SORBS3: variants seen among roughly 807,000 people sequenced by gnomAD.
The protein encoded by SORBS3 is sorbin and SH3 domain containing 3.
A neutral mutation model predicts 98.0 loss-of-function variants in SORBS3; 69 were observed. That is an observed-to-expected ratio of 0.70 (90% CI 0.58 to 0.86). The LOEUF is 0.86. Ranked by LOEUF, SORBS3 falls within the 40% of genes least tolerant of loss-of-function variation. The pLI, the probability that SORBS3 is intolerant of heterozygous loss-of-function variation, is 0.00. For missense variants in SORBS3, 954 were observed against 908.5 expected (o/e 1.05, Z -0.64); for synonymous variants, 394 against 355.4 (o/e 1.11, Z -1.22).
intron 14 of SORBS3, 52 bp from the exon 15 acceptor site, chr8:22,566,770 A>G (rs1840434619): frequency 6.2e-7 from 1 of 1,613,600 alleles, no homozygotes; most frequent in East Asian, 2.2e-5. Context: ...GCCATCCTGG[A>G]TCTGCCACCC....
upstream of SORBS3, chr8:22,551,904 G>A: frequency 4.1e-6 from 4 of 984,460 alleles, no homozygotes; most frequent in Non-Finnish European, 4.8e-6. The surrounding 1 kb of genome is among the most constrained non-coding windows in gnomAD (Gnocchi z 5.8). Flanking sequence ...CGAGGGCCGC[G>A]ACGGCCCGCG....
intron 17 of SORBS3, among the ~76,000 whole-genome samples, chr8:22,570,554 C>T (rs1840546191): frequency 6.6e-6 from 1 of 152,198 alleles, no homozygotes; most frequent in African/African-American, 2.4e-5. Context: ...AGCAGGCTGC[C>T]TGAGGCCACA....
intron 11 of SORBS3, 44 bp downstream of exon 11, chr8:22,565,398 C>A: frequency 6.8e-7 from 1 of 1,479,872 alleles, no homozygotes; most frequent in Non-Finnish European, 9.1e-7. Context: ...CCGGCGACCG[C>A]AGGGTCGGGG....
upstream of SORBS3, among the ~76,000 whole-genome samples, chr8:22,550,878 T>A (rs1334595660): frequency 6.6e-6 from 1 of 152,220 alleles, no homozygotes; most frequent in Non-Finnish European, 1.5e-5. Flanking sequence ...CTGAGCCAAC[T>A]CAAGGGCCAG....
Position 22,557,014 on chromosome 8 carries a change from A to G in SORBS3, c.414+106A>G. The G allele has an allele frequency of 2.0e-5, 25 of 1,272,702 alleles. No individual in the cohort carries two copies. The South Asian group carries it at 3.1e-4, about 16-fold the overall frequency. 78.8% of individuals were successfully genotyped at this position (1,272,702 alleles called of 1,614,324 possible). A position where few individuals can be genotyped will look rare whatever the true frequency, so the allele number is the denominator to read the frequency against. ...GTGGGGCAATAAAGGCCGCACCCAAACCATCCCAGATTAAGCAGGGGTTCA... is the reference window on the plus strand; with the variant it reads ...GTGGGGCAATAAAGGCCGCACCCAAGCCATCCCAGATTAAGCAGGGGTTCA... On this transcript the variant is annotated intron_variant, in intron 4 of 20. Transcript: ENST00000240123.
At position 22,566,242 on chromosome 8, in the gene SORBS3, A is replaced by T. The variant is rs1052901177; in HGVS notation, c.951-103A>T. 3.6e-6 allele frequency: 5 copies of T among 1,405,600 alleles called. No homozygotes were observed. The African/African-American group carries it at 7.2e-5, about 20-fold the overall frequency. The allele number at this position is 1,405,600 out of a possible 1,614,324, so 87.1% of individuals were successfully genotyped here. On this transcript the variant is annotated intron_variant, in intron 12 of 20. Transcript: ENST00000240123. ...AGGACCCGGGAGACGCCCTGGGAGGAGGTGGCAGGGATGGGGGCGATGGGG... is the reference window on the plus strand; with the variant it reads ...AGGACCCGGGAGACGCCCTGGGAGGTGGTGGCAGGGATGGGGGCGATGGGG...
Position 22,569,188 on chromosome 8 carries a change from C to G in SORBS3, c.1346C>G (p.Pro449Arg), listed in dbSNP as rs77246845. ...ADEIPKPIKP[P>R]TYQVLEYGEA... ...GAGATCCCTAAGCCCATCAAGCCCCCGACCTACCAGGTGCTGGAGTATGGA... is the reference window on the plus strand; with the variant it reads ...GAGATCCCTAAGCCCATCAAGCCCCGGACCTACCAGGTGCTGGAGTATGGA... Residue 449 changes from proline to arginine, a missense_variant, in exon 17 of 21, where the codon CCG (proline) becomes CGG (arginine). By Grantham distance (103) the Pro-to-Arg change is moderately radical. Coordinates refer to ENST00000240123, the MANE Select transcript of SORBS3 (RefSeq NM_005775.5). 27 of 1,611,232 alleles carry G rather than the reference C, an allele frequency of 1.7e-5. No individual in the cohort carries two copies. Among genetic ancestry groups the G allele is most frequent in the Non-Finnish European group, 2.1e-5 (25 of 1,178,672 alleles).
chr8:22,572,234 G>A, intron 19 of SORBS3, 106 bp from the exon 20 acceptor site: 1 of 874,178 alleles, frequency 1.1e-6, no homozygotes, highest in East Asian at 2.4e-5. Context: ...CTGGATCAGG[G>A]GCTAGTGAGA....
At chr8:22,562,877 G>A (rs1464269124) in intron 7 of SORBS3, among the ~76,000 whole-genome samples, 1 of 152,244 alleles carries the variant, frequency 6.6e-6, no homozygotes, top group African/African-American at 2.4e-5. Flanking sequence ...AGCACTTTTG[G>A]AGGCTGAGGC....
chr8:22,565,808 C>A lies in SORBS3; in HGVS notation c.904-18C>A. The A allele has an allele frequency of 7.6e-7, 1 of 1,316,750 alleles. No individual in the cohort carries two copies. The highest frequency in any genetic ancestry group is 9.7e-7 in the Non-Finnish European group (1 of 1,031,100). 81.6% of individuals were successfully genotyped at this position (1,316,750 alleles called of 1,614,324 possible). A position where few individuals can be genotyped will look rare whatever the true frequency, so the allele number is the denominator to read the frequency against. ...GTCCCGGGGTCGCGGGCCCTGATTG[C>A]GCCGTTTCCCCGCGCAGAGCTCGCC... On this transcript the variant is annotated intron_variant, in intron 11 of 20. Transcript: ENST00000240123.
chr8:22,571,270 A>C, intron 18 of SORBS3, 49 bp downstream of exon 18: 22 of 1,071,282 alleles, frequency 2.1e-5, no homozygotes, highest in Non-Finnish European at 3.0e-5. Context: ...CTCACCCCTC[A>C]TCCCCCACCC....
In SORBS3 at chr8:22,565,292, G is replaced by A. The variant is rs137860983; in HGVS notation, c.841G>A (p.Glu281Lys). ...GGTGCTGCTGGAGAGAGAGCTGGCCGAGCTGAGCGCCGAGCTGGACAAGGA... is the reference window on the plus strand; with the variant it reads ...GGTGCTGCTGGAGAGAGAGCTGGCCAAGCTGAGCGCCGAGCTGGACAAGGA... The part of the protein sequence containing the change: ...IEVLLERELA[E>K]LSAELDKDLR... Residue 281 changes from glutamate (E) to lysine (K), a missense_variant, in exon 11 of 21, where the codon GAG becomes AAG. Coordinates refer to ENST00000240123, the MANE Select transcript of SORBS3 (RefSeq NM_005775.5). 1,275 of 1,556,610 alleles carry A rather than the reference G, an allele frequency of 8.2e-4. 5 individuals carry two copies. The African/African-American group carries it at 0.016, about 19-fold the overall frequency.
At chr8:22,557,046 G>T (rs911689767) in intron 4 of SORBS3, 138 bp downstream of exon 4, 28 of 977,628 alleles carry the variant, frequency 2.9e-5, no homozygotes, top group Non-Finnish European at 3.5e-5. Flanking sequence ...TTCAACCGTG[G>T]TGGGGTTCAG....
rs762710582 is a variant in SORBS3, at chr8:22,569,284, C to T, written c.1431+11C>T. 1.3e-6 allele frequency: 2 copies of T among 1,577,874 alleles called. No individual in the cohort carries two copies. Among genetic ancestry groups the T allele is most frequent in the Non-Finnish European group, 1.7e-6 (2 of 1,160,604 alleles). On this transcript the variant is annotated intron_variant, in intron 17 of 20. Transcript: ENST00000240123. ...CTGTCCTTCCGCAAGGTGGGCCAGG[C>T]CGGAGACGGAGGGGTGGGTGGGGGC...
rs374187848 is a variant in SORBS3 at position 22,570,868 on chromosome 8, G to A, written c.1432-42G>A. The stretch of plus-strand genomic sequence containing the variant: ...CAGATAAGGCACCCGTGGGTCCATG[G>A]CACCAGGAAGGCCCCACAGACACTG... On this transcript the variant is annotated intron_variant, in intron 17 of 20. Transcript: ENST00000240123. The A allele has an allele frequency of 1.9e-6, 3 of 1,546,014 alleles. No homozygotes were observed. In the African/African-American group the frequency reaches 4.1e-5, roughly 21 times the overall value.
At chr8:22,574,134 G>A (rs1392060814) in intron 20 of SORBS3, among the ~76,000 whole-genome samples, 5 of 152,114 alleles carry the variant, frequency 3.3e-5, no homozygotes, top group African/African-American at 4.8e-5. Flanking sequence ...GGGAAGCATC[G>A]GGTGCCAGGC....
chr8:22,562,011 C>A, intron 7 of SORBS3, 80 bp downstream of exon 7: 1 of 1,363,980 alleles, frequency 7.3e-7, no homozygotes, highest in Non-Finnish European at 1.0e-6. Context: ...CCCCTCGTGA[C>A]CACAGCCGGC....
At chr8:22,566,013 G>T in intron 12 of SORBS3, 141 bp downstream of exon 12, 2 of 612,536 alleles carry the variant, frequency 3.3e-6, no homozygotes, top group Non-Finnish European at 4.7e-6. Flanking sequence ...GTCCGGGAGG[G>T]ACCGCAGCGC....
chr8:22,566,131 C>G, intron 12 of SORBS3: 1 of 635,130 alleles, frequency 1.6e-6, no homozygotes, highest in South Asian at 4.7e-5. Flanking sequence ...GGCCCCGCCA[C>G]GGCCCAGGCA....
Sources: allele counts gnomAD v4.1 joint callset (sites outside exome capture counted in the v4.1 genomes callset), GRCh38; gene constraint gnomAD v4.1.1; non-coding constraint Gnocchi (gnomAD v3.1); transcripts MANE v1.5; gene names NCBI Gene and HGNC (gene_info 2026-07-23, HGNC 2026-07-21).